The following PDE3B variants were observed in gnomAD, a reference collection of about 807,000 sequenced individuals.
The protein encoded by PDE3B is cGMP-inhibited 3',5'-cyclic phosphodiesterase 3B.
Under a neutral mutation model 116.8 loss-of-function variants are expected in PDE3B, and 66 were observed. The observed-to-expected ratio is 0.56, with a 90% CI of 0.46 to 0.69. PDE3B has a LOEUF of 0.69. Ranked by LOEUF, PDE3B falls within the 30% of genes least tolerant of loss-of-function variation. PDE3B has a pLI of 0.00. For synonymous variants in PDE3B, 595 were observed against 533.6 expected, an observed-to-expected ratio of 1.12 and a Z score of -1.59; for missense variants, 1,384 against 1,368.1, an observed-to-expected ratio of 1.01 and a Z score of -0.18.
In PDE3B at chr11:14,786,704, T is replaced by C; in HGVS notation, c.1278+19T>C. 1 of 1,569,874 alleles carries C rather than the reference T, an allele frequency of 6.4e-7. No individual in the cohort carries two copies. Among genetic ancestry groups the C allele is most frequent in the Non-Finnish European group, 8.7e-7 (1 of 1,143,140 alleles). ...TAACAAGGTCGAAATACAGTAATCA[T>C]CTAACCCTATTTATCAAATTTAATG... On this transcript the variant is annotated intron_variant, in intron 3 of 15. Transcript: ENST00000282096.
chr11:14,696,170 G>C (rs1356738549), intron 1 of PDE3B, among the ~76,000 whole-genome samples: 2 of 152,106 alleles, frequency 1.3e-5, no homozygotes, highest in East Asian at 3.9e-4. Flanking sequence ...GCCAGCATTT[G>C]TTGTTTCTTG....
intron 12 of PDE3B, among the ~76,000 whole-genome samples, chr11:14,850,857 C>T (rs1348538583): frequency 6.6e-6 from 1 of 152,070 alleles, no homozygotes; most frequent in Admixed American, 6.5e-5. Context: ...GAGACGGAGT[C>T]CTGCTCTGTC....
chr11:14,757,666 T>C (rs1336824422), intron 1 of PDE3B, among the ~76,000 whole-genome samples: 7 of 108,864 alleles, frequency 6.4e-5, no homozygotes, highest in Non-Finnish European at 1.1e-4. Flanking sequence ...TTTTTTCTTG[T>C]AAATTTGTTT....
At chr11:14,816,721 C>T (rs566172315) in intron 5 of PDE3B, among the ~76,000 whole-genome samples, 2 of 152,292 alleles carry the variant, frequency 1.3e-5, no homozygotes, top group South Asian at 4.1e-4. Context: ...AATGAATGAG[C>T]TGGAAATACT....
chr11:14,652,844 C>T (rs1160136175), intron 1 of PDE3B, among the ~76,000 whole-genome samples: 2 of 152,088 alleles, frequency 1.3e-5, no homozygotes, highest in Non-Finnish European at 2.9e-5. Flanking sequence ...ATAGAGATTG[C>T]CTTGAATCTG....
At chr11:14,895,767 A>G in the PDE3B span, among the ~76,000 whole-genome samples, 11 of 152,362 alleles carry the variant, frequency 7.2e-5, 1 homozygote, top group South Asian at 2.3e-3. Flanking sequence ...AACATTCCCT[A>G]TAACAGGCTA....
chr11:14,722,571 C>G (rs981076187), intron 1 of PDE3B, among the ~76,000 whole-genome samples: 2 of 152,266 alleles, frequency 1.3e-5, no homozygotes, highest in Middle Eastern at 3.4e-3. Flanking sequence ...ATAATAGAGA[C>G]ATTTTTATCA....
chr11:14,766,675 C>CA (rs967711227), intron 1 of PDE3B, among the ~76,000 whole-genome samples: 116 of 144,726 alleles, frequency 8.0e-4, no homozygotes, highest in South Asian at 1.9e-3. Context: ...AACAAACAAA[C>CA]AAAAAAAAAA....
chr11:14,672,917 C>CT (rs36095953), intron 1 of PDE3B, among the ~76,000 whole-genome samples: 18,170 of 141,532 alleles, frequency 0.13, 1,478 homozygotes, highest in African/African-American at 0.24. Context: ...AAAAACTTTA[C>CT]TTTTTTTTTT....
At chr11:14,754,559 A>AT (rs1426317583) in intron 1 of PDE3B, among the ~76,000 whole-genome samples, 2 of 152,124 alleles carry the variant, frequency 1.3e-5, no homozygotes, top group Admixed American at 1.3e-4. Flanking sequence ...GCATTCCTCA[A>AT]TTTATCTATT....
chr11:14,644,464 T>C lies in PDE3B; in HGVS notation c.389T>C (p.Phe130Ser). 19 of 1,613,178 alleles carry C rather than the reference T, an allele frequency of 1.2e-5. No individual in the cohort carries two copies. The highest frequency in any genetic ancestry group is 1.5e-5 in the Non-Finnish European group (18 of 1,179,688). Residue 130 changes from phenylalanine (F) to serine (S), a missense_variant, in exon 1 of 16, where the codon TTC becomes TCC. Physicochemically the swap from Phe to Ser is radical, Grantham distance 155. Coordinates refer to ENST00000282096, the MANE Select transcript of PDE3B (RefSeq NM_000922.4). ...CTCTTCAGCATCGCCTGTGCCTTCT[T>C]CTTCCTCACCTGCTTCCTCACCCGG... Reference protein sequence around the residue: ...SPLFSIACAFFFLTCFLTRTK... With the variant: ...SPLFSIACAFSFLTCFLTRTK...
chr11:14,813,350 C>T (rs1317731436), intron 5 of PDE3B, among the ~76,000 whole-genome samples: 2 of 152,096 alleles, frequency 1.3e-5, no homozygotes, highest in Non-Finnish European at 2.9e-5. Context: ...TTCCAGTTTC[C>T]AGAGGCCTTC....
chr11:14,657,349 C>T (rs1853743015), intron 1 of PDE3B, among the ~76,000 whole-genome samples: 1 of 152,154 alleles, frequency 6.6e-6, no homozygotes. Flanking sequence ...GTGACTCTTC[C>T]AACCCTCTTT....
At chr11:14,814,066 A>G (rs1859240123) in intron 5 of PDE3B, among the ~76,000 whole-genome samples, 1 of 152,184 alleles carries the variant, frequency 6.6e-6, no homozygotes, top group South Asian at 2.1e-4. Flanking sequence ...GATAAATTTG[A>G]TAATTATGAT....
chr11:14,668,008 C>T (rs1854233028), intron 1 of PDE3B, among the ~76,000 whole-genome samples: 1 of 150,852 alleles, frequency 6.6e-6, no homozygotes, highest in Non-Finnish European at 1.5e-5. Flanking sequence ...TACATTTTGG[C>T]CAAAAGCTTA....
At chr11:14,678,743 C>A (rs1167695096) in intron 1 of PDE3B, among the ~76,000 whole-genome samples, 1 of 152,068 alleles carries the variant, frequency 6.6e-6, no homozygotes, top group Non-Finnish European at 1.5e-5. Context: ...TTTCAGAGAA[C>A]CGAAGATTTT....
At chr11:14,882,296 G>C in the PDE3B span, among the ~76,000 whole-genome samples, 2 of 152,092 alleles carry the variant, frequency 1.3e-5, no homozygotes, top group Non-Finnish European at 1.5e-5. Flanking sequence ...CACGTAAAAA[G>C]ATATAGGGTA....
At chr11:14,820,495 G>A (rs1859482561) in intron 7 of PDE3B, among the ~76,000 whole-genome samples, 2 of 152,098 alleles carry the variant, frequency 1.3e-5, no homozygotes, top group African/African-American at 4.8e-5. Context: ...CATTTTGGGT[G>A]GGGGTGTTGA....
chr11:14,654,432 T>G (rs1362848202), intron 1 of PDE3B, among the ~76,000 whole-genome samples: 3 of 152,022 alleles, frequency 2.0e-5, no homozygotes, highest in Admixed American at 6.6e-5. Context: ...AGTGTCAAAC[T>G]AGAAATCAGT....
Sources: allele counts gnomAD v4.1 joint callset (sites outside exome capture counted in the v4.1 genomes callset), GRCh38; gene constraint gnomAD v4.1.1; transcripts MANE v1.5; gene names NCBI Gene and HGNC (gene_info 2026-07-23, HGNC 2026-07-21).